Variants in TSHR observed in about 807,000 individuals in gnomAD.
The protein encoded by TSHR is thyroid stimulating hormone receptor, also known as thyrotropin receptor.
TSHR carries 51 observed loss-of-function variants against 64.1 expected under a neutral mutation model. That is an observed-to-expected ratio of 0.80 (90% CI 0.64 to 1.01). TSHR has a LOEUF of 1.01. Ranked by LOEUF, TSHR falls within the 50% of genes least tolerant of loss-of-function variation. The pLI is 0.00. For missense variants in TSHR, 877 were observed against 942.8 expected, an observed-to-expected ratio of 0.93 and a Z score of 0.91; for synonymous variants, 361 against 361.9, an observed-to-expected ratio of 1.00 and a Z score of 0.03.
In TSHR at chr14:81,123,133, A is replaced by C. The variant is rs566727144; in HGVS notation, c.692+14681A>C. On this transcript the variant is annotated intron_variant, in intron 8 of 9. Coordinates refer to ENST00000298171, the MANE Select transcript of TSHR (RefSeq NM_000369.5). ...CAGAGCAAGACTCCGTCTAAGAAAA[A>C]AAAAAAAATTAACACTTAATTTAAT... 4.8e-3 allele frequency among the ~76,000 whole-genome samples: 712 copies of C among 148,140 alleles called. 6 individuals carry two copies. The highest frequency in any genetic ancestry group is 6.0e-3 in the Non-Finnish European group (399 of 66,152).
At chr14:80,992,410 A>AAAAG (rs1182521769) in intron 1 of TSHR, 1 of 151,674 alleles carries the variant, frequency 6.6e-6, no homozygotes, top group African/African-American at 2.4e-5. Context: ...AAAAAAAAAA[A>AAAAG]AAAAAAATAA....
At chr14:81,082,201 C>G (rs1231349143) in intron 3 of TSHR, among the ~76,000 whole-genome samples, 1 of 152,134 alleles carries the variant, frequency 6.6e-6, no homozygotes, top group Non-Finnish European at 1.5e-5. Flanking sequence ...CTAGTGACTT[C>G]AAGTATTCTG....
chr14:81,134,801 A>C (rs1312326441), intron 8 of TSHR, among the ~76,000 whole-genome samples: 2 of 152,240 alleles, frequency 1.3e-5, no homozygotes, highest in Non-Finnish European at 2.9e-5. Flanking sequence ...ACAATACAAG[A>C]AAATTTCCTA....
intron 1 of TSHR, chr14:80,982,299 G>A: frequency 7.5e-6 from 7 of 936,858 alleles, no homozygotes; most frequent in Non-Finnish European, 9.5e-6. Flanking sequence ...GTAAAAATGG[G>A]GCTGGTATTG....
chr14:80,993,729 G>A (rs1401609649), intron 1 of TSHR: 1 of 151,852 alleles, frequency 6.6e-6, no homozygotes, highest in Non-Finnish European at 1.5e-5. Context: ...TATAATTAAG[G>A]GACTTAACAT....
intron 1 of TSHR, among the ~76,000 whole-genome samples, chr14:80,988,945 T>C (rs1888601645): frequency 6.6e-6 from 1 of 152,206 alleles, no homozygotes; most frequent in African/African-American, 2.4e-5. Flanking sequence ...ACTCACAGAA[T>C]ATACTCATAT....
chr14:81,088,065 G>A (rs758328242), intron 4 of TSHR, 37 bp downstream of exon 4: 4 of 1,507,784 alleles, frequency 2.7e-6, no homozygotes, highest in South Asian at 1.1e-5. Flanking sequence ...ACTTTTCTGG[G>A]GGGAGGGGGT....
At chr14:81,109,271 T>C (rs1890116682) in intron 8 of TSHR, among the ~76,000 whole-genome samples, 1 of 151,852 alleles carries the variant, frequency 6.6e-6, no homozygotes, top group South Asian at 2.1e-4. Flanking sequence ...TAGCTGGGCG[T>C]AGTGGCGGGT....
intron 1 of TSHR, among the ~76,000 whole-genome samples, chr14:80,968,226 A>C (rs1359240428): frequency 6.6e-6 from 1 of 152,200 alleles, no homozygotes; most frequent in Non-Finnish European, 1.5e-5. Context: ...GGCTAGCATA[A>C]GAGGCAAGCT....
intron 1 of TSHR, among the ~76,000 whole-genome samples, chr14:80,965,919 C>T (rs1887277294): frequency 6.6e-6 from 1 of 152,180 alleles, no homozygotes; most frequent in Admixed American, 6.5e-5. Flanking sequence ...GAAAAGACTG[C>T]CATCAGAATG....
At chr14:81,036,617 G>A (rs1329190170) in intron 1 of TSHR, among the ~76,000 whole-genome samples, 2 of 152,204 alleles carry the variant, frequency 1.3e-5, no homozygotes, top group East Asian at 3.9e-4. Flanking sequence ...TCAACTGGAT[G>A]TATTAGGAAA....
intron 8 of TSHR, among the ~76,000 whole-genome samples, chr14:81,124,795 T>C (rs967223752): frequency 1.3e-5 from 2 of 152,214 alleles, no homozygotes. Context: ...GTTGAGCATC[T>C]TTTTATGCAC....
chr14:81,062,096 T>C (rs981843834), intron 1 of TSHR, 52 bp from the exon 2 acceptor site: 3 of 1,457,810 alleles, frequency 2.1e-6, no homozygotes, highest in African/African-American at 2.8e-5. Context: ...AGGTGAATTA[T>C]TAGAAAAGCC....
At chr14:81,033,727 A>G (rs1884479181) in intron 1 of TSHR, among the ~76,000 whole-genome samples, 1 of 152,198 alleles carries the variant, frequency 6.6e-6, no homozygotes, top group Non-Finnish European at 1.5e-5. Context: ...ATAAGAAATC[A>G]AAAAGTACAG....
chr14:81,009,342 A>T (rs1889787628), intron 1 of TSHR, among the ~76,000 whole-genome samples: 1 of 152,194 alleles, frequency 6.6e-6, no homozygotes, highest in Non-Finnish European at 1.5e-5. Flanking sequence ...CTGCATATTA[A>T]TTGCAGTTTC....
chr14:81,087,682 C>T, intron 3 of TSHR: 1 of 444,720 alleles, frequency 2.2e-6, no homozygotes, highest in Non-Finnish European at 4.1e-6. Flanking sequence ...AATTCTGATA[C>T]TACAATTAAG....
intron 3 of TSHR, among the ~76,000 whole-genome samples, chr14:81,077,092 A>C (rs1461013548): frequency 6.6e-6 from 1 of 152,098 alleles, no homozygotes; most frequent in Non-Finnish European, 1.5e-5. Flanking sequence ...TATGACCTAC[A>C]CAGAGACACA....
chr14:81,047,329 C>A (rs1273034912), intron 1 of TSHR, among the ~76,000 whole-genome samples: 1 of 152,118 alleles, frequency 6.6e-6, no homozygotes. Context: ...CCAATACACA[C>A]ACACACACCC....
At chr14:80,969,684 T>C (rs1174711614) in intron 1 of TSHR, among the ~76,000 whole-genome samples, 2 of 152,188 alleles carry the variant, frequency 1.3e-5, no homozygotes, top group Non-Finnish European at 2.9e-5. Context: ...TTCATGTTCA[T>C]TTCTCCAAAA....
Sources: allele counts gnomAD v4.1 joint callset (sites outside exome capture counted in the v4.1 genomes callset), GRCh38; gene constraint gnomAD v4.1.1; transcripts MANE v1.5; gene names NCBI Gene and HGNC (gene_info 2026-07-23, HGNC 2026-07-21).